Variants in DNAJB6 observed in about 807,000 individuals in gnomAD.
DNAJB6 encodes dnaJ homolog subfamily B member 6.
A neutral mutation model predicts 42.7 loss-of-function variants in DNAJB6; 16 were observed. The ratio of observed to expected loss-of-function variants is 0.37; its 90% CI spans 0.25 to 0.57. The LOEUF (loss-of-function observed/expected upper bound fraction) is 0.57. Ranked by LOEUF, DNAJB6 falls within the 20% of genes least tolerant of loss-of-function variation. DNAJB6 has a pLI of 0.74. For missense variants in DNAJB6, 347 were observed against 416.8 expected (o/e 0.83, Z 1.46); for synonymous variants, 170 against 163.5 (o/e 1.04, Z -0.30).
At chr7:157,356,620 T>C (rs977412290) in intron 1 of DNAJB6, among the ~76,000 whole-genome samples, 3 of 152,242 alleles carry the variant, frequency 2.0e-5, no homozygotes, top group Admixed American at 2.0e-4. Context: ...GAAAGAACTG[T>C]GCAGTGGTAT....
chr7:157,341,236 TGCCTCA>T lies in DNAJB6; in HGVS notation c.-27+4098_-27+4103del, dbSNP rs1414171629. 2.6e-5 allele frequency among the ~76,000 whole-genome samples: 4 copies of T among 152,148 alleles called. No individual in the cohort carries two copies. The East Asian group carries it at 7.7e-4, about 29-fold the overall frequency. On this transcript the variant is annotated intron_variant, in intron 1 of 9. Transcript: ENST00000262177. Reference sequence around the variant, plus strand: ...GCCGCACGGGTTCAAGCGATTCTCCTGCCTCAGCCTCCCGAGTAGCTGTGATTACAG... The same window carrying T: ...GCCGCACGGGTTCAAGCGATTCTCCTGCCTCCCGAGTAGCTGTGATTACAG...
intron 5 of DNAJB6, among the ~76,000 whole-genome samples, chr7:157,376,353 T>TTA (rs1187215145): frequency 2.0e-5 from 3 of 151,820 alleles, no homozygotes; most frequent in African/African-American, 7.3e-5. Context: ...CCTTAATGCA[T>TTA]TGGTCTTAGT....
chr7:157,404,609 C>G (rs893015125), intron 8 of DNAJB6, among the ~76,000 whole-genome samples: 2 of 151,100 alleles, frequency 1.3e-5, no homozygotes, highest in African/African-American at 2.4e-5. Flanking sequence ...CTCCCAGGCT[C>G]AAGCGATTCT....
At chr7:157,386,499 A>G (rs1801065633) in intron 8 of DNAJB6, among the ~76,000 whole-genome samples, 2 of 152,232 alleles carry the variant, frequency 1.3e-5, no homozygotes, top group African/African-American at 2.4e-5. Flanking sequence ...CAATTGATCA[A>G]ACATTTAATT....
intron 1 of DNAJB6, among the ~76,000 whole-genome samples, chr7:157,357,471 C>G (rs916347612): frequency 6.6e-6 from 1 of 150,540 alleles, no homozygotes; most frequent in Non-Finnish European, 1.5e-5. Flanking sequence ...ACCACGATGC[C>G]GGCTAATTTT....
At chr7:157,375,894 T>C (rs929415982) in intron 5 of DNAJB6, among the ~76,000 whole-genome samples, 5 of 152,274 alleles carry the variant, frequency 3.3e-5, no homozygotes, top group Admixed American at 1.3e-4. Flanking sequence ...ATATTTTCCT[T>C]TGTTTGAAAT....
At chr7:157,378,075 T>C (rs1011491495) in intron 5 of DNAJB6, 5 of 152,186 alleles carry the variant, frequency 3.3e-5, no homozygotes, top group Non-Finnish European at 7.3e-5. Flanking sequence ...ATAACATGCA[T>C]AGATTATATA....
At chr7:157,362,498 C>T (rs1169064818) in intron 2 of DNAJB6, among the ~76,000 whole-genome samples, 2 of 152,110 alleles carry the variant, frequency 1.3e-5, no homozygotes, top group Admixed American at 6.6e-5. Context: ...CCGCAGCCTC[C>T]TGAGTAGCTG....
intron 8 of DNAJB6, 45 bp from the exon 9 acceptor site, chr7:157,409,750 C>T (rs934502067): frequency 2.7e-6 from 4 of 1,479,910 alleles, no homozygotes; most frequent in Middle Eastern, 2.4e-4. Context: ...GGGGGCCGGC[C>T]GCCGCCGCTC....
rs549794443 is a variant in DNAJB6 at position 157,351,664 on chromosome 7, A to C, written c.-26-6883A>C. 5.0e-4 allele frequency among the ~76,000 whole-genome samples: 74 copies of C among 148,836 alleles called. 1 individual carries two copies. The highest frequency in any genetic ancestry group is 3.5e-3 in the East Asian group (18 of 5,110). ...ACAACAACAACAACAACAACAACAAAAAAAACCACAAAACTTGTTTGGCTG... is the reference window on the plus strand; with the variant it reads ...ACAACAACAACAACAACAACAACAACAAAAACCACAAAACTTGTTTGGCTG... On this transcript the variant is annotated intron_variant, in intron 1 of 9. Transcript: ENST00000262177.
At chr7:157,384,745 T>C (rs1800967910) in intron 6 of DNAJB6, 122 bp from the exon 7 acceptor site, 1 of 941,296 alleles carries the variant, frequency 1.1e-6, no homozygotes. Flanking sequence ...GTTGCGTCGT[T>C]TATTACTCCT....
intron 6 of DNAJB6, chr7:157,382,604 A>C: frequency 3.1e-6 from 1 of 321,342 alleles, no homozygotes; most frequent in Non-Finnish European, 5.6e-6. Context: ...TAATATAATA[A>C]TCAAGGCCAG....
At chr7:157,345,381 C>A (rs1198495973) in intron 1 of DNAJB6, among the ~76,000 whole-genome samples, 2 of 152,190 alleles carry the variant, frequency 1.3e-5, no homozygotes, top group East Asian at 3.8e-4. Context: ...AGTGACATGA[C>A]ATGGCTCACA....
At chr7:157,366,801 T>C (rs1799868422) in intron 4 of DNAJB6, among the ~76,000 whole-genome samples, 1 of 152,256 alleles carries the variant, frequency 6.6e-6, no homozygotes, top group Non-Finnish European at 1.5e-5. Flanking sequence ...CATACTGCAA[T>C]ATATTGTGAA....
intron 3 of DNAJB6, 85 bp from the exon 4 acceptor site, chr7:157,366,417 G>GA: frequency 7.8e-7 from 1 of 1,276,474 alleles, no homozygotes; most frequent in Non-Finnish European, 1.1e-6. Context: ...ATCGAAAACT[G>GA]ATTTACAACT....
chr7:157,390,804 A>G (rs570328747), intron 8 of DNAJB6, among the ~76,000 whole-genome samples: 55 of 152,184 alleles, frequency 3.6e-4, no homozygotes, highest in African/African-American at 1.3e-3. Context: ...TGAGGCCTGG[A>G]GCATGCATTC....
intron 9 of DNAJB6, chr7:157,412,131 A>C (rs1216402588): frequency 1.3e-5 from 2 of 152,170 alleles, no homozygotes; most frequent in Admixed American, 1.3e-4. Flanking sequence ...CACGTCAGAG[A>C]CTTTTACTTA....
At chr7:157,353,808 A>C (rs1433155977) in intron 1 of DNAJB6, among the ~76,000 whole-genome samples, 1 of 151,614 alleles carries the variant, frequency 6.6e-6, no homozygotes, top group Non-Finnish European at 1.5e-5. Flanking sequence ...GATGACAGAC[A>C]CATGCCACCA....
chr7:157,342,359 T>C (rs1430957057), intron 1 of DNAJB6, among the ~76,000 whole-genome samples: 19 of 139,978 alleles, frequency 1.4e-4, no homozygotes, highest in Admixed American at 1.3e-3. Context: ...TTTTTTTTTT[T>C]TGAGTTTCAC....
Sources: allele counts gnomAD v4.1 joint callset (sites outside exome capture counted in the v4.1 genomes callset), GRCh38; gene constraint gnomAD v4.1.1; transcripts MANE v1.5; gene names NCBI Gene and HGNC (gene_info 2026-07-23, HGNC 2026-07-21).